The following CSRP3 variants were observed in gnomAD, a reference collection of about 807,000 sequenced individuals.
The protein encoded by CSRP3 is cysteine and glycine-rich protein 3.
Under a neutral mutation model 24.3 loss-of-function variants are expected in CSRP3, and 24 were observed. The observed-to-expected ratio is 0.99, with a 90% CI of 0.71 to 1.39. The LOEUF (loss-of-function observed/expected upper bound fraction) is 1.39. Ranked by LOEUF, CSRP3 falls within the 40% of genes most tolerant of loss-of-function variation. The probability of loss-of-function intolerance (pLI) is 0.00; values close to 1 mark genes in which losing one functional copy is unlikely to be tolerated. For missense variants in CSRP3, 240 were observed against 249.0 expected (o/e 0.96, Z 0.24); for synonymous variants, 105 against 94.0 (o/e 1.12, Z -0.68).
chr11:19,185,077 G>A (rs1315529921), intron 4 of CSRP3, 32 bp from the exon 5 acceptor site: 2 of 1,486,944 alleles, frequency 1.3e-6, no homozygotes, highest in Non-Finnish European at 1.9e-6. Context: ...CATATTTAAT[G>A]AGGTAGGCAA....
At chr11:19,185,142 G>A (rs45485792) in intron 4 of CSRP3, 97 bp from the exon 5 acceptor site, 17 of 904,292 alleles carry the variant, frequency 1.9e-5, no homozygotes, top group South Asian at 5.4e-5. Flanking sequence ...GGAGTGACAC[G>A]TCTTAACCAT....
chr11:19,201,522 G>T (rs767726779), intron 1 of CSRP3, among the ~76,000 whole-genome samples: 1 of 152,230 alleles, frequency 6.6e-6, no homozygotes, highest in Non-Finnish European at 1.5e-5. Context: ...CCTTGCAGAA[G>T]AGGAGACCAA....
At chr11:19,189,661 G>A (rs1447351212) in intron 2 of CSRP3, among the ~76,000 whole-genome samples, 1 of 152,174 alleles carries the variant, frequency 6.6e-6, no homozygotes, top group Non-Finnish European at 1.5e-5. Flanking sequence ...TGTAGATGAG[G>A]TAGGATTAGC....
At position 19,184,938 on chromosome 11, in the gene CSRP3, C is replaced by G; in HGVS notation, c.508+14G>C. ...GGGAAAACATATTTCAAGAAAGTCT[C>G]CAGAATCACTCACCTTTGCAATAAA... On this transcript the variant is annotated intron_variant, in intron 5 of 5. Transcript: ENST00000265968. 6.3e-7 allele frequency: 1 copy of G among 1,591,358 alleles called. No homozygotes were observed. The highest frequency in any genetic ancestry group is 1.1e-5 in the South Asian group (1 of 90,648).
At chr11:19,194,166 A>G (rs1850659811) in intron 1 of CSRP3, among the ~76,000 whole-genome samples, 2 of 152,198 alleles carry the variant, frequency 1.3e-5, no homozygotes, top group Admixed American at 1.3e-4. Flanking sequence ...ACAGTCTCAT[A>G]ACAAAGGCAG....
Position 19,187,680 on chromosome 11 carries a change from C to T in CSRP3, c.281+456G>A, listed in dbSNP as rs1850549197. ...TGTTTACTCTGAGGCACAGCCCATC[C>T]TTGCAGACACACTCCCCCTGCCATG... On this transcript the variant is annotated intron_variant, in intron 3 of 5. Coordinates refer to ENST00000265968, the MANE Select transcript of CSRP3 (RefSeq NM_003476.5). 2.6e-5 allele frequency among the ~76,000 whole-genome samples: 4 copies of T among 152,326 alleles called. No individual in the cohort carries two copies. In the South Asian group the frequency reaches 8.3e-4, roughly 32 times the overall value.
rs772117382 is a variant in CSRP3 at position 19,188,200 on chromosome 11, AC to A, written c.216del (p.Tyr73MetfsTer135). On this transcript the variant is annotated frameshift_variant, in exon 3 of 6. Coordinates refer to ENST00000265968, the MANE Select transcript of CSRP3 (RefSeq NM_003476.5). LOFTEE classifies it high-confidence loss of function. ...CTGAGACAGCCAGCGCCTTGTCCAT[AC>A]CCGATCCCTTTGGGGCCATATCTGC... is the stretch of plus-strand genomic sequence containing the variant. ...YGRRYGPKGI[G>X]YGQGAGCLST... The A allele has an allele frequency of 6.2e-7, 1 of 1,613,792 alleles. No individual in the cohort carries two copies. The highest frequency in any genetic ancestry group is 8.5e-7 in the Non-Finnish European group (1 of 1,180,010).
intron 3 of CSRP3, among the ~76,000 whole-genome samples, chr11:19,187,126 C>T (rs1485574127): frequency 6.6e-6 from 1 of 152,142 alleles, no homozygotes; most frequent in Non-Finnish European, 1.5e-5. Flanking sequence ...CTAGGAAGCC[C>T]TAATGTTGAA....
chr11:19,196,172 A>T (rs1850699659), intron 1 of CSRP3, among the ~76,000 whole-genome samples: 1 of 152,208 alleles, frequency 6.6e-6, no homozygotes, highest in Non-Finnish European at 1.5e-5. Flanking sequence ...CTGAGGCAGG[A>T]GAATCACTTG....
At chr11:19,188,425 A>G (rs1565051705) in intron 2 of CSRP3, 121 bp from the exon 3 acceptor site, 4 of 940,222 alleles carry the variant, frequency 4.3e-6, no homozygotes, top group South Asian at 1.4e-5. Flanking sequence ...CAAGAATACA[A>G]TGTTGATTCC....
rs727504899 is a variant in CSRP3 at position 19,182,716 on chromosome 11, C to T, written c.539G>A (p.Gly180Asp). ...VCYAKNFGPT[G>D]IGFGGLTQQV... Reference sequence around the variant, plus strand: ...TTGTGTAAGGCCTCCAAACCCAATACCCGTGGGGCCAAAATTTTTGGCATA... The same window carrying T: ...TTGTGTAAGGCCTCCAAACCCAATATCCGTGGGGCCAAAATTTTTGGCATA... Residue 180 changes from glycine to aspartate, a missense_variant, in exon 6 of 6, where the codon GGT becomes GAT. By Grantham distance (94) the Gly-to-Asp change is moderately conservative. Coordinates refer to ENST00000265968, the MANE Select transcript of CSRP3 (RefSeq NM_003476.5). The T allele has an allele frequency of 6.2e-7, 1 of 1,614,136 alleles. No homozygotes were observed. The highest frequency in any genetic ancestry group is 1.1e-5 in the South Asian group (1 of 91,080).
At chr11:19,199,270 C>T (rs1246236057) in intron 1 of CSRP3, among the ~76,000 whole-genome samples, 2 of 152,146 alleles carry the variant, frequency 1.3e-5, no homozygotes, top group East Asian at 3.9e-4. Context: ...TCCTGAGCTT[C>T]TGAACCCAGA....
intron 2 of CSRP3, among the ~76,000 whole-genome samples, chr11:19,188,585 C>T (rs1482034437): frequency 6.7e-6 from 1 of 148,844 alleles, no homozygotes; most frequent in Admixed American, 6.7e-5. Context: ...GGACTGCATC[C>T]CTGAGTCTTC....
rs576136999 is a variant in CSRP3 at position 19,194,949 on chromosome 11, C to T, written c.-28-2473G>A. ...TTTGTGACCCCTGGCATTGAGAAGC[C>T]CATGTTGTAGTGAGAAAAATAGACA... On this transcript the variant is annotated intron_variant, in intron 1 of 5. Transcript: ENST00000265968. Among the ~76,000 whole-genome samples the T allele has an allele frequency of 2.0e-5, 3 of 151,954 alleles. No individual in the cohort carries two copies. In the East Asian group the frequency reaches 5.8e-4, roughly 29 times the overall value.
intron 2 of CSRP3, 30 bp downstream of exon 2, chr11:19,192,307 A>G (rs1175789233): frequency 6.6e-7 from 1 of 1,505,634 alleles, no homozygotes. Context: ...CCGGATGCTG[A>G]GGGGCCCCCA....
chr11:19,186,324 A>G lies in CSRP3; in HGVS notation c.306T>C (p.Val102=), dbSNP rs779874019. 1.2e-6 allele frequency: 2 copies of G among 1,614,218 alleles called. No individual in the cohort carries two copies. Among genetic ancestry groups the G allele is most frequent in the Non-Finnish European group, 1.7e-6 (2 of 1,180,046 alleles). ...FQQSPKPARS[V]TTSNPSKFTA... The stretch of plus-strand genomic sequence containing the variant: ...TGAATTTGGAAGGGTTGCTGGTGGT[A>G]ACTGAGCGTGCCGGCTTTGGGGACC... Residue 102 remains valine (V), a synonymous_variant, in exon 4 of 6, where the codon GTT becomes GTC. Transcript: ENST00000265968.
intron 1 of CSRP3, among the ~76,000 whole-genome samples, chr11:19,200,594 G>T (rs990555008): frequency 1.3e-5 from 2 of 152,122 alleles, no homozygotes; most frequent in Non-Finnish European, 2.9e-5. Context: ...GCACCTGTCT[G>T]CCTGAACCCC....
intron 1 of CSRP3, among the ~76,000 whole-genome samples, chr11:19,201,341 T>A (rs1850837477): frequency 6.6e-6 from 1 of 152,210 alleles, no homozygotes; most frequent in African/African-American, 2.4e-5. Flanking sequence ...CTATTTAAAA[T>A]CAACAAGCCC....
chr11:19,191,906 A>G (rs1318106758), intron 2 of CSRP3, among the ~76,000 whole-genome samples: 1 of 152,200 alleles, frequency 6.6e-6, no homozygotes, highest in Non-Finnish European at 1.5e-5. Flanking sequence ...TCTCTCTCAG[A>G]CAAGACCAGT....
Sources: allele counts gnomAD v4.1 joint callset (sites outside exome capture counted in the v4.1 genomes callset), GRCh38; gene constraint gnomAD v4.1.1; transcripts MANE v1.5; gene names NCBI Gene and HGNC (gene_info 2026-07-23, HGNC 2026-07-21).